NPLOC4: variants seen among roughly 807,000 people sequenced by gnomAD.
NPLOC4 encodes NPL4 homolog, ubiquitin recognition factor, also known as nuclear protein localization protein 4 homolog.
In NPLOC4, 18 loss-of-function variants were observed where a neutral mutation model predicts 80.6. The observed-to-expected ratio is 0.22, with a 90% CI of 0.15 to 0.33. The LOEUF is 0.33. Ranked by LOEUF, NPLOC4 falls within the 10% of genes least tolerant of loss-of-function variation. NPLOC4 has a pLI of 1.00. For synonymous variants in NPLOC4, 313 were observed against 301.5 expected (o/e 1.04, Z -0.39); for missense variants, 540 against 786.1 (o/e 0.69, Z 3.74).
At chr17:81,590,401 G>C (rs1279838562) in intron 11 of NPLOC4, among the ~76,000 whole-genome samples, 5 of 152,224 alleles carry the variant, frequency 3.3e-5, no homozygotes, top group Admixed American at 6.5e-5. Flanking sequence ...GATGCCATGG[G>C]GGCAGCCTGA....
Position 81,598,689 on chromosome 17 carries a change from A to T in NPLOC4, c.922-1373T>A, listed in dbSNP as rs373061371. On this transcript the variant is annotated intron_variant, in intron 9 of 16. Transcript: ENST00000331134. ...ATCCTTAGGCCCGCCTCTGCCTGTG[A>T]ATTCCTGCACCAGAAGCCCGTCACG... 2.2e-4 allele frequency among the ~76,000 whole-genome samples: 33 copies of T among 152,196 alleles called. No homozygotes were observed. The South Asian group carries it at 6.6e-3, about 31-fold the overall frequency.
intron 1 of NPLOC4, among the ~76,000 whole-genome samples, chr17:81,635,357 TA>T (rs10627051): frequency 1.1e-3 from 142 of 126,604 alleles, no homozygotes; most frequent in Middle Eastern, 8.1e-3. Context: ...AAAATAAGGT[TA>T]AAAAAAAAAA....
At position 81,619,107 on chromosome 17, in the gene NPLOC4, T is replaced by C. The variant is rs554128980; in HGVS notation, c.209+3059A>G. Among the ~76,000 whole-genome samples the C allele has an allele frequency of 3.9e-5, 6 of 152,096 alleles. 1 individual carries two copies. In the South Asian group the frequency reaches 1.2e-3, roughly 32 times the overall value. ...CCTCTGCCTAGGAAAACCAGAGACCTTTGTTCACTTGTTTGGCTGCTGACC... is the reference window on the plus strand; with the variant it reads ...CCTCTGCCTAGGAAAACCAGAGACCCTTGTTCACTTGTTTGGCTGCTGACC... On this transcript the variant is annotated intron_variant, in intron 3 of 16. Coordinates refer to ENST00000331134, the MANE Select transcript of NPLOC4 (RefSeq NM_017921.4).
intron 12 of NPLOC4, among the ~76,000 whole-genome samples, chr17:81,582,110 G>A (rs2034457582): frequency 6.6e-6 from 1 of 152,232 alleles, no homozygotes; most frequent in Non-Finnish European, 1.5e-5. Flanking sequence ...AGCATAGACA[G>A]AGCCAGTCGG....
intron 11 of NPLOC4, among the ~76,000 whole-genome samples, chr17:81,591,447 GAAAAA>G (rs71367067): frequency 1.3e-5 from 1 of 76,326 alleles, no homozygotes; most frequent in Non-Finnish European, 2.4e-5. Context: ...GAGTAAAACA[GAAAAA>G]AAAAAAAAAA....
intron 3 of NPLOC4, chr17:81,614,372 TA>T (rs2035424344): frequency 6.6e-6 from 1 of 150,952 alleles, no homozygotes; most frequent in East Asian, 2.0e-4. Context: ...AGTCCACGTC[TA>T]ATTGCTATGA....
chr17:81,581,375 A>AAAAGTC (rs1555680405), intron 12 of NPLOC4, among the ~76,000 whole-genome samples: 1,391 of 72,838 alleles, frequency 0.019, 381 homozygotes, highest in East Asian at 0.073. Context: ...AAAAAAAAAA[A>AAAAGTC]AGTTAATAAA....
chr17:81,562,937 CA>C (rs953445052), intron 16 of NPLOC4: 18 of 123,550 alleles, frequency 1.5e-4, no homozygotes, highest in African/African-American at 9.2e-5. Context: ...GAACCTGTCT[CA>C]AAAAAAAAAG....
rs1264014562 is a variant in NPLOC4 at position 81,559,423 on chromosome 17, G to A, written c.1670-7C>T. 3 of 1,607,112 alleles carry A rather than the reference G, an allele frequency of 1.9e-6. No homozygotes were observed. The highest frequency in any genetic ancestry group is 2.5e-6 in the Non-Finnish European group (3 of 1,176,860). On this transcript the variant is annotated splice_polypyrimidine_tract_variant and splice_region_variant and intron_variant, in intron 16 of 16. Coordinates refer to ENST00000331134, the MANE Select transcript of NPLOC4 (RefSeq NM_017921.4). Reference sequence around the variant, plus strand: ...AGCTGCCCGCCAACTGTGCCTGCAGGGTGGAAGAGAAATGAGCACTCATCA... The same window carrying A: ...AGCTGCCCGCCAACTGTGCCTGCAGAGTGGAAGAGAAATGAGCACTCATCA...
At chr17:81,582,568 A>AT (rs900986680) in intron 12 of NPLOC4, among the ~76,000 whole-genome samples, 13 of 151,986 alleles carry the variant, frequency 8.6e-5, no homozygotes, top group Non-Finnish European at 1.6e-4. Context: ...CACCCGACTA[A>AT]TTTTTTTTTG....
At chr17:81,589,173 C>A in intron 11 of NPLOC4, 69 bp from the exon 12 acceptor site, 3 of 1,343,320 alleles carry the variant, frequency 2.2e-6, no homozygotes, top group Non-Finnish European at 3.1e-6. Flanking sequence ...TCTGTTAACT[C>A]TTCACCTCTG....
At chr17:81,596,304 C>T in intron 10 of NPLOC4, 62 bp from the exon 11 acceptor site, 1 of 1,548,148 alleles carries the variant, frequency 6.5e-7, no homozygotes, top group Non-Finnish European at 8.8e-7. Flanking sequence ...ACTTCTATTT[C>T]TTCTTTAAAA....
chr17:81,599,757 A>G (rs992980204), intron 9 of NPLOC4, among the ~76,000 whole-genome samples: 7 of 152,272 alleles, frequency 4.6e-5, no homozygotes, highest in African/African-American at 1.7e-4. Context: ...CCAGATCAAT[A>G]GAATAAAAAA....
intron 9 of NPLOC4, among the ~76,000 whole-genome samples, chr17:81,599,909 C>T (rs2035018640): frequency 1.3e-5 from 2 of 152,148 alleles, no homozygotes; most frequent in African/African-American, 4.8e-5. Flanking sequence ...AGAACATGAA[C>T]ACTGTCAATG....
chr17:81,616,668 T>G (rs1216566080), intron 3 of NPLOC4, among the ~76,000 whole-genome samples: 1 of 151,230 alleles, frequency 6.6e-6, no homozygotes, highest in Non-Finnish European at 1.5e-5. Context: ...GGGCGGAGCT[T>G]GCAGTGAGCC....
Position 81,561,156 on chromosome 17 carries a change from A to G in NPLOC4, c.1670-1740T>C, listed in dbSNP as rs191155161. Among the ~76,000 whole-genome samples the G allele has an allele frequency of 3.6e-3, 553 of 152,036 alleles. 6 individuals carry two copies. The highest frequency in any genetic ancestry group is 3.5e-3 in the Non-Finnish European group (240 of 67,960). ...TTATTTTTAGTAGAGATGGGTTTTC[A>G]CCATGTTGGCCTGGCTGTCTCGAAC... On this transcript the variant is annotated intron_variant, in intron 16 of 16. Transcript: ENST00000331134.
At position 81,573,819 on chromosome 17, in the gene NPLOC4, G is replaced by A. The variant is rs114825682; in HGVS notation, c.1282-1731C>T. On this transcript the variant is annotated intron_variant, in intron 12 of 16. Coordinates refer to ENST00000331134, the MANE Select transcript of NPLOC4 (RefSeq NM_017921.4). Reference sequence around the variant, plus strand: ...ATTTCCATTTCACGTATTGCTCCCCGCCCCATCAAAGGCTACATTCCTGCA... The same window carrying A: ...ATTTCCATTTCACGTATTGCTCCCCACCCCATCAAAGGCTACATTCCTGCA... Among the ~76,000 whole-genome samples the A allele has an allele frequency of 3.5e-3, 527 of 152,232 alleles. 4 individuals are homozygous for A. Among genetic ancestry groups the A allele is most frequent in the African/African-American group, 0.012 (497 of 41,532 alleles).
intron 16 of NPLOC4, 147 bp downstream of exon 16, chr17:81,565,358 T>A (rs1000780285): frequency 9.3e-6 from 7 of 749,272 alleles, no homozygotes; most frequent in Admixed American, 4.0e-5. Context: ...GGAGGCCGAG[T>A]CTCTACTCGT....
At chr17:81,562,651 CTAT>C (rs2033884151) in intron 16 of NPLOC4, 1 of 152,278 alleles carries the variant, frequency 6.6e-6, no homozygotes, top group Non-Finnish European at 1.5e-5. Flanking sequence ...TCAGAACTGC[CTAT>C]TATTAAAGAG....
Sources: gnomAD v4.1 joint callset for allele counts (sites outside exome capture counted in the v4.1 genomes callset) on GRCh38, gnomAD v4.1.1 for gene constraint, MANE v1.5 for transcripts, NCBI Gene and HGNC (gene_info 2026-07-23, HGNC 2026-07-21) for gene names.